TMTC4: variants seen among roughly 807,000 people sequenced by gnomAD.
TMTC4 encodes transmembrane O-mannosyltransferase targeting cadherins 4.
Under a neutral mutation model 86.0 loss-of-function variants are expected in TMTC4, and 65 were observed. That is an observed-to-expected ratio of 0.76 (90% CI 0.62 to 0.93). TMTC4 has a LOEUF of 0.93. TMTC4 is among the 40% of genes least tolerant of loss of function. The pLI, the probability that TMTC4 is intolerant of heterozygous loss-of-function variation, is 0.00. For synonymous variants in TMTC4, 379 were observed against 382.5 expected, an observed-to-expected ratio of 0.99 and a Z score of 0.11; for missense variants, 866 against 948.1, an observed-to-expected ratio of 0.91 and a Z score of 1.14.
chr13:100,640,030 C>T (rs1488198379), intron 7 of TMTC4, among the ~76,000 whole-genome samples: 1 of 152,000 alleles, frequency 6.6e-6, no homozygotes, highest in Non-Finnish European at 1.5e-5. Flanking sequence ...ATGGAAATTC[C>T]GACTCAGCAG....
chr13:100,671,138 T>C (rs1380172065), intron 1 of TMTC4, among the ~76,000 whole-genome samples: 2 of 152,252 alleles, frequency 1.3e-5, no homozygotes, highest in East Asian at 1.9e-4. Context: ...TTATCTGTTT[T>C]ATTGTTTCAA....
chr13:100,640,717 G>A (rs1365477172), intron 7 of TMTC4, among the ~76,000 whole-genome samples: 4 of 151,916 alleles, frequency 2.6e-5, no homozygotes, highest in African/African-American at 9.7e-5. Flanking sequence ...AGCTACTTGG[G>A]AGGCTGAGGT....
intron 15 of TMTC4, among the ~76,000 whole-genome samples, chr13:100,623,383 C>T (rs929748530): frequency 3.3e-5 from 5 of 152,228 alleles, no homozygotes; most frequent in African/African-American, 1.2e-4. Context: ...CAGGCACGTA[C>T]CACCATGTCT....
upstream of TMTC4, chr13:100,675,069 C>T (rs1887698869): frequency 1.0e-6 from 1 of 985,682 alleles, no homozygotes. Flanking sequence ...CAGACGGACC[C>T]GGCGGGAGAG....
At chr13:100,674,415 C>G (rs1452688769) in intron 1 of TMTC4, 8 of 924,330 alleles carry the variant, frequency 8.7e-6, no homozygotes, top group Non-Finnish European at 1.0e-5. Flanking sequence ...GAGGGAGCGC[C>G]GGCGCGGCTG....
intron 7 of TMTC4, chr13:100,638,562 T>C (rs1882585285): frequency 6.6e-6 from 1 of 152,290 alleles, no homozygotes; most frequent in African/African-American, 2.4e-5. Context: ...GAAATCTAGT[T>C]GTCCAGTAGT....
Position 100,635,022 on chromosome 13 carries a change from A to G in TMTC4, c.1374+2T>C, listed in dbSNP as rs778410752. On this transcript the variant is annotated splice_donor_variant, in intron 11 of 18. Coordinates refer to ENST00000342624, the MANE Select transcript of TMTC4 (RefSeq NM_032813.5). LOFTEE classifies it high-confidence loss of function. ...TCAGCTGGCACCACTCTCAGTTGAT[A>G]CCTTTTTCTTGGTATGTTTGCTCAG... 1.9e-6 allele frequency: 3 copies of G among 1,611,050 alleles called. No individual in the cohort carries two copies. Among genetic ancestry groups the G allele is most frequent in the Non-Finnish European group, 2.5e-6 (3 of 1,178,178 alleles).
chr13:100,606,319 C>A, intron 18 of TMTC4, 39 bp downstream of exon 18: 1 of 1,585,038 alleles, frequency 6.3e-7, no homozygotes, highest in Non-Finnish European at 8.7e-7. Flanking sequence ...ATTAAAGTAA[C>A]AAAATTTCAA....
chr13:100,627,495 T>C (rs1300011742), intron 12 of TMTC4, among the ~76,000 whole-genome samples: 3 of 152,132 alleles, frequency 2.0e-5, no homozygotes, highest in Non-Finnish European at 4.4e-5. Context: ...TTGCCCATAA[T>C]TTCCGGCTTG....
At chr13:100,632,053 A>ACTCTCTCTCTCTCTCTCT (rs67759381) in intron 12 of TMTC4, among the ~76,000 whole-genome samples, 14 of 43,148 alleles carry the variant, frequency 3.2e-4, no homozygotes, top group South Asian at 1.0e-3. Context: ...ACACACACAC[A>ACTCTCTCTCTCTCTCTCT]CTCTCTCTCT....
At chr13:100,655,232 A>G (rs1352919994) in intron 6 of TMTC4, among the ~76,000 whole-genome samples, 1 of 152,092 alleles carries the variant, frequency 6.6e-6, no homozygotes, top group African/African-American at 2.4e-5. Flanking sequence ...TATGTTGGCT[A>G]TGCTGGTCTC....
Position 100,619,018 on chromosome 13 carries a change from T to C in TMTC4, c.1837-4588A>G, listed in dbSNP as rs186557477. 2.1e-3 allele frequency among the ~76,000 whole-genome samples: 325 copies of C among 152,196 alleles called. 4 individuals are homozygous for C. The East Asian group carries it at 0.031, about 15-fold the overall frequency. On this transcript the variant is annotated intron_variant, in intron 15 of 18. Coordinates refer to ENST00000342624, the MANE Select transcript of TMTC4 (RefSeq NM_032813.5). ...TGAGCTGTTGGGTACACCTCCCAGA[T>C]GGGGCGGCCGGCCGGGCAGAGGGGC...
At chr13:100,608,048 AG>A (rs572898653) in intron 17 of TMTC4, among the ~76,000 whole-genome samples, 203 of 152,348 alleles carry the variant, frequency 1.3e-3, no homozygotes, top group African/African-American at 4.8e-3. Flanking sequence ...CTTGAGACAT[AG>A]GAAGGCCAGG....
chr13:100,631,190 T>C (rs1364110236), intron 12 of TMTC4, among the ~76,000 whole-genome samples: 1 of 152,192 alleles, frequency 6.6e-6, no homozygotes, highest in Non-Finnish European at 1.5e-5. Context: ...AAGTCGAAGA[T>C]AAAACAAACA....
intron 3 of TMTC4, among the ~76,000 whole-genome samples, chr13:100,668,155 T>C (rs1340500226): frequency 6.6e-6 from 1 of 151,164 alleles, no homozygotes; most frequent in East Asian, 1.9e-4. Context: ...TGCCTGCTGC[T>C]GAAGATGCAC....
chr13:100,665,314 G>A (rs569837594), intron 3 of TMTC4, among the ~76,000 whole-genome samples: 22 of 152,214 alleles, frequency 1.4e-4, no homozygotes, highest in Non-Finnish European at 1.5e-4. Context: ...TAATTAAACA[G>A]GAGTGTTTTA....
intron 6 of TMTC4, among the ~76,000 whole-genome samples, chr13:100,644,081 T>C (rs983384068): frequency 6.7e-6 from 1 of 149,642 alleles, no homozygotes; most frequent in African/African-American, 2.5e-5. Flanking sequence ...CGTTCTGGCC[T>C]GGGGGTGGGA....
At chr13:100,609,671 G>GTA (rs386363865) in intron 17 of TMTC4, among the ~76,000 whole-genome samples, 5 of 148,088 alleles carry the variant, frequency 3.4e-5, no homozygotes, top group Admixed American at 1.3e-4. Context: ...CTCACTAAAT[G>GTA]TATATATATA....
intron 1 of TMTC4, among the ~76,000 whole-genome samples, chr13:100,673,637 A>G (rs1423740717): frequency 1.3e-5 from 2 of 151,278 alleles, no homozygotes. Context: ...AGGCTAAGGT[A>G]TCGTCCTGCT....
Sources: gnomAD v4.1 joint callset for allele counts (sites outside exome capture counted in the v4.1 genomes callset) on GRCh38, gnomAD v4.1.1 for gene constraint, MANE v1.5 for transcripts, NCBI Gene and HGNC (gene_info 2026-07-23, HGNC 2026-07-21) for gene names.